Variants in RNF150 observed in about 807,000 individuals in gnomAD.
RNF150 encodes ring finger protein 150.
A neutral mutation model predicts 39.3 loss-of-function variants in RNF150; 24 were observed. The ratio of observed to expected loss-of-function variants is 0.61; its 90% CI spans 0.44 to 0.86. The LOEUF is 0.86. Ranked by LOEUF, RNF150 falls within the 40% of genes least tolerant of loss-of-function variation. The pLI is 0.00. For missense variants in RNF150, 502 were observed against 587.8 expected, an observed-to-expected ratio of 0.85 and a Z score of 1.51; for synonymous variants, 255 against 227.3, an observed-to-expected ratio of 1.12 and a Z score of -1.10.
intron 1 of RNF150, among the ~76,000 whole-genome samples, chr4:140,972,140 C>T (rs1386960342): frequency 6.6e-6 from 1 of 151,940 alleles, no homozygotes; most frequent in East Asian, 1.9e-4. Flanking sequence ...TATATTGTCC[C>T]ATTTGTAGAT....
chr4:141,061,143 A>C (rs1271758120), intron 1 of RNF150, among the ~76,000 whole-genome samples: 1 of 152,056 alleles, frequency 6.6e-6, no homozygotes, highest in Non-Finnish European at 1.5e-5. Flanking sequence ...ATAATAATAA[A>C]AAAAAGTAAA....
At chr4:141,093,357 C>A (rs1738662500) in intron 1 of RNF150, among the ~76,000 whole-genome samples, 1 of 131,434 alleles carries the variant, frequency 7.6e-6, no homozygotes. Flanking sequence ...CAGAGCGAGA[C>A]TCCATCTCAA....
chr4:141,199,442 A>G (rs1728254512), intron 1 of RNF150, among the ~76,000 whole-genome samples: 1 of 152,210 alleles, frequency 6.6e-6, no homozygotes, highest in Non-Finnish European at 1.5e-5. Flanking sequence ...AAAGGTGGAG[A>G]CTATCCAAAT....
intron 2 of RNF150, among the ~76,000 whole-genome samples, chr4:140,957,100 C>A (rs1164439884): frequency 2.0e-5 from 3 of 149,332 alleles, no homozygotes; most frequent in Non-Finnish European, 4.5e-5. Context: ...AAAGAAACTA[C>A]CATCAGAGTG....
At chr4:141,082,410 T>C (rs948402865) in intron 1 of RNF150, among the ~76,000 whole-genome samples, 1 of 152,142 alleles carries the variant, frequency 6.6e-6, no homozygotes, top group Non-Finnish European at 1.5e-5. Context: ...ATATGCACCA[T>C]TACTGGTTTT....
At chr4:140,921,291 C>T (rs1461101952) in intron 5 of RNF150, among the ~76,000 whole-genome samples, 3 of 151,304 alleles carry the variant, frequency 2.0e-5, no homozygotes, top group Admixed American at 6.6e-5. Flanking sequence ...GGGATATCAC[C>T]ACCGATCCCA....
intron 4 of RNF150, among the ~76,000 whole-genome samples, chr4:140,933,583 T>C (rs1578981404): frequency 6.6e-6 from 1 of 152,178 alleles, no homozygotes; most frequent in Non-Finnish European, 1.5e-5. Context: ...TATTATGATA[T>C]GTATGGGTTG....
chr4:141,057,746 CTCT>C (rs1355353021), intron 1 of RNF150, among the ~76,000 whole-genome samples: 1 of 152,084 alleles, frequency 6.6e-6, no homozygotes, highest in Non-Finnish European at 1.5e-5. Flanking sequence ...CTGGTATCTG[CTCT>C]TCTTTACTTC....
At chr4:141,075,791 T>C (rs895453230) in intron 1 of RNF150, among the ~76,000 whole-genome samples, 3 of 152,170 alleles carry the variant, frequency 2.0e-5, no homozygotes, top group Admixed American at 6.5e-5. Context: ...GGAAAATCTC[T>C]AGCAGAAGAT....
At chr4:141,183,297 TAGGC>T (rs1363666208) in intron 1 of RNF150, among the ~76,000 whole-genome samples, 3 of 152,096 alleles carry the variant, frequency 2.0e-5, no homozygotes, top group Non-Finnish European at 4.4e-5. Context: ...GTAGGTATGG[TAGGC>T]AGAATTCTAA....
At chr4:141,209,185 G>A (rs943844126) in intron 1 of RNF150, among the ~76,000 whole-genome samples, 2 of 151,738 alleles carry the variant, frequency 1.3e-5, no homozygotes, top group Non-Finnish European at 2.9e-5. Context: ...TGCGTTTCCC[G>A]ACACCCACCA....
intron 2 of RNF150, among the ~76,000 whole-genome samples, chr4:140,965,007 G>GA (rs1288167340): frequency 6.6e-6 from 1 of 151,682 alleles, no homozygotes; most frequent in East Asian, 1.9e-4. Flanking sequence ...TAGGCCATCT[G>GA]AAAAAAAATA....
chr4:140,935,615 C>T (rs1334034439), intron 4 of RNF150, among the ~76,000 whole-genome samples: 14 of 152,100 alleles, frequency 9.2e-5, no homozygotes, highest in Admixed American at 7.2e-4. Flanking sequence ...ATATATTTTA[C>T]ATATATAATG....
intron 4 of RNF150, among the ~76,000 whole-genome samples, chr4:140,936,331 G>A (rs897321190): frequency 6.6e-6 from 1 of 152,176 alleles, no homozygotes; most frequent in African/African-American, 2.4e-5. Context: ...AAGGTAGGGT[G>A]TATTTAACTT....
chr4:141,174,884 C>T (rs1417347984), intron 1 of RNF150, among the ~76,000 whole-genome samples: 3 of 108,982 alleles, frequency 2.8e-5, no homozygotes, highest in Admixed American at 2.1e-4. Flanking sequence ...AATCCTGTAT[C>T]AGGAAAAAAA....
intron 1 of RNF150, among the ~76,000 whole-genome samples, chr4:140,986,511 A>G (rs1178804636): frequency 6.6e-6 from 1 of 152,078 alleles, no homozygotes; most frequent in Non-Finnish European, 1.5e-5. Flanking sequence ...TGCATCCACC[A>G]TCAACTCTTC....
intron 1 of RNF150, among the ~76,000 whole-genome samples, chr4:140,995,683 T>C (rs1734340004): frequency 6.6e-6 from 1 of 152,180 alleles, no homozygotes; most frequent in African/African-American, 2.4e-5. Flanking sequence ...ATGAGTTCAG[T>C]TGTTTTTATT....
At chr4:141,122,888 C>T (rs1726652194) in intron 1 of RNF150, among the ~76,000 whole-genome samples, 1 of 152,148 alleles carries the variant, frequency 6.6e-6, no homozygotes, top group Non-Finnish European at 1.5e-5. Flanking sequence ...TTTATTAATA[C>T]ATATTTAAAG....
intron 6 of RNF150, among the ~76,000 whole-genome samples, chr4:140,887,370 G>A (rs1283803646): frequency 2.6e-5 from 4 of 152,134 alleles, no homozygotes; most frequent in East Asian, 1.9e-4. Flanking sequence ...TGCACTATAC[G>A]CTATGCCAGA....
Sources: allele counts gnomAD v4.1 joint callset (sites outside exome capture counted in the v4.1 genomes callset), GRCh38; gene constraint gnomAD v4.1.1; transcripts MANE v1.5; gene names NCBI Gene and HGNC (gene_info 2026-07-23, HGNC 2026-07-21).